JPH2: variants seen among roughly 807,000 people sequenced by gnomAD.
JPH2 encodes junctophilin-2.
JPH2 carries 38 observed loss-of-function variants against 55.9 expected under a neutral mutation model. The ratio of observed to expected loss-of-function variants is 0.68; its 90% CI spans 0.52 to 0.89. The LOEUF is 0.89. Among genes scored for constraint, JPH2 ranks in the 40% least tolerant of loss-of-function variants. The probability of loss-of-function intolerance (pLI) is 0.00; values close to 1 mark genes in which losing one functional copy is unlikely to be tolerated. For missense variants in JPH2, 964 were observed against 1,037.6 expected, an observed-to-expected ratio of 0.93 and a Z score of 0.97; for synonymous variants, 480 against 472.4, an observed-to-expected ratio of 1.02 and a Z score of -0.21.
intron 1 of JPH2, among the ~76,000 whole-genome samples, chr20:44,170,611 C>A (rs1396850241): frequency 6.6e-6 from 1 of 152,200 alleles, no homozygotes; most frequent in Non-Finnish European, 1.5e-5. Flanking sequence ...CACACAGATG[C>A]TCCTGATTAT....
chr20:44,115,298 T>C (rs1013705569), intron 4 of JPH2, among the ~76,000 whole-genome samples: 9 of 152,030 alleles, frequency 5.9e-5, no homozygotes, highest in Non-Finnish European at 1.5e-5. Context: ...CATGAAGCCC[T>C]CACTGCTACA....
chr20:44,113,659 T>C (rs1468884074), intron 5 of JPH2, among the ~76,000 whole-genome samples, 156 bp from the exon 6 acceptor site: 3 of 152,174 alleles, frequency 2.0e-5, no homozygotes, highest in Non-Finnish European at 4.4e-5. Flanking sequence ...ATTCTGATAC[T>C]CGGCAGGTCA....
At chr20:44,124,310 G>A (rs1600834219) in intron 2 of JPH2, among the ~76,000 whole-genome samples, 1 of 152,036 alleles carries the variant, frequency 6.6e-6, no homozygotes. Flanking sequence ...GACCCTCACC[G>A]GACTTGCCCT....
chr20:44,121,405 A>C (rs1417046388), intron 2 of JPH2, among the ~76,000 whole-genome samples: 1 of 152,060 alleles, frequency 6.6e-6, no homozygotes, highest in Non-Finnish European at 1.5e-5. Flanking sequence ...GGTAAGGGGG[A>C]TAAATTCCCT....
At chr20:44,165,440 C>G (rs753182049) in intron 1 of JPH2, among the ~76,000 whole-genome samples, 1 of 152,192 alleles carries the variant, frequency 6.6e-6, no homozygotes, top group Non-Finnish European at 1.5e-5. Flanking sequence ...CCACCGTTCT[C>G]TCTCACCTGG....
At chr20:44,164,374 A>C (rs2072639074) in intron 1 of JPH2, among the ~76,000 whole-genome samples, 1 of 152,156 alleles carries the variant, frequency 6.6e-6, no homozygotes, top group Admixed American at 6.5e-5. Flanking sequence ...TTTTGATCTT[A>C]GTTTTTTTGT....
intron 2 of JPH2, among the ~76,000 whole-genome samples, chr20:44,140,255 T>A (rs1400718670): frequency 2.0e-5 from 3 of 152,170 alleles, no homozygotes; most frequent in Admixed American, 2.0e-4. Context: ...TGTCTTTATA[T>A]CCATCCCAGC....
At chr20:44,146,772 A>C (rs1317863407) in intron 2 of JPH2, among the ~76,000 whole-genome samples, 3 of 152,206 alleles carry the variant, frequency 2.0e-5, no homozygotes, top group African/African-American at 7.2e-5. Flanking sequence ...TTTCTTCAAA[A>C]TTTTTTGAGT....
intron 2 of JPH2, among the ~76,000 whole-genome samples, chr20:44,142,406 G>A (rs749673709): frequency 2.0e-5 from 3 of 152,038 alleles, no homozygotes; most frequent in East Asian, 1.9e-4. Flanking sequence ...CGCTCTCTCC[G>A]GCCTTTTCTC....
chr20:44,183,600 G>T (rs779721134), intron 1 of JPH2, among the ~76,000 whole-genome samples: 1 of 152,154 alleles, frequency 6.6e-6, no homozygotes, highest in Non-Finnish European at 1.5e-5. Flanking sequence ...GCCTTTTCCT[G>T]CCCCAGCTAC....
At position 44,115,947 on chromosome 20, in the gene JPH2, G is replaced by C. The variant is rs74352869; in HGVS notation, c.1728C>G (p.Pro576=). Residue 576 remains proline, a synonymous_variant, in exon 4 of 6, where the codon CCC becomes CCG. Transcript: ENST00000372980. ...GCTGGTCCTCAAAGGGTGGGGGCTC[G>C]GGCGGCGTGGTGCGCACAGCATAGC... ...YHSYAVRTTP[P]EPPPFEDQPE... The C allele has an allele frequency of 0.22, 337,904 of 1,567,210 alleles. 38,820 individuals carry two copies. Among genetic ancestry groups the C allele is most frequent in the African/African-American group, 0.26 (18,993 of 74,256 alleles).
chr20:44,176,109 T>C (rs1163498159), intron 1 of JPH2, among the ~76,000 whole-genome samples: 1 of 152,152 alleles, frequency 6.6e-6, no homozygotes, highest in Non-Finnish European at 1.5e-5. Context: ...ATCCAGTCTA[T>C]AAGTTTTGCT....
intron 2 of JPH2, among the ~76,000 whole-genome samples, chr20:44,125,307 C>T (rs928317469): frequency 1.8e-4 from 27 of 150,394 alleles, no homozygotes; most frequent in Non-Finnish European, 3.7e-4. Flanking sequence ...AAAAGTCTGC[C>T]GACCCCTGTA....
rs763718520 is a variant in JPH2, at chr20:44,115,908, G to A, written c.1767C>T (p.Val589=). ...ACGAGGGCGCGGACTCGGACCCGGA[G>A]ACCTCGGGCTCGGGCTGGTCCTCAA... ...PPFEDQPEPE[V]SGSESAPSSP... Residue 589 remains valine, a synonymous_variant, in exon 4 of 6, where the codon GTC becomes GTT. Transcript: ENST00000372980. 3.8e-6 allele frequency: 6 copies of A among 1,574,548 alleles called. No individual in the cohort carries two copies. Among genetic ancestry groups the A allele is most frequent in the Non-Finnish European group, 5.1e-6 (6 of 1,166,642 alleles).
At chr20:44,149,064 T>C (rs1264985616) in intron 2 of JPH2, among the ~76,000 whole-genome samples, 5 of 123,420 alleles carry the variant, frequency 4.1e-5, no homozygotes, top group Non-Finnish European at 6.7e-5. Flanking sequence ...AGACTCCGTC[T>C]CAAAAAAAAA....
intron 1 of JPH2, among the ~76,000 whole-genome samples, chr20:44,174,925 A>C (rs1600866669): frequency 6.6e-6 from 1 of 152,232 alleles, no homozygotes; most frequent in East Asian, 1.9e-4. Flanking sequence ...CCCCCCGTGC[A>C]GGGGTGGAGG....
At position 44,113,396 on chromosome 20, in the gene JPH2, T is replaced by G. The variant is rs1335659826; in HGVS notation, c.*122A>C. 6.6e-6 allele frequency: 1 copy of G among 152,422 alleles called. No homozygotes were observed. The highest frequency in any genetic ancestry group is 1.5e-5 in the Non-Finnish European group (1 of 68,278). 9.4% of individuals were successfully genotyped at this position (152,422 alleles called of 1,614,324 possible). A position where few individuals can be genotyped will look rare whatever the true frequency, so the allele number is the denominator to read the frequency against. On this transcript the variant is annotated 3_prime_UTR_variant, in exon 6 of 6. Coordinates refer to ENST00000372980, the MANE Select transcript of JPH2 (RefSeq NM_020433.5). ...CCTCCTGAAACTCTTGTGGGGTGAA[T>G]GTGAACTGGACCACGGGGCTCCAGG...
intron 1 of JPH2, among the ~76,000 whole-genome samples, chr20:44,179,606 C>A (rs1017997410): frequency 2.6e-5 from 4 of 152,132 alleles, no homozygotes; most frequent in Non-Finnish European, 5.9e-5. Flanking sequence ...AAGGGCCCTG[C>A]GTCTGGGTTA....
At chr20:44,170,492 G>A (rs184661476) in intron 1 of JPH2, among the ~76,000 whole-genome samples, 3 of 152,316 alleles carry the variant, frequency 2.0e-5, no homozygotes, top group East Asian at 1.9e-4. Flanking sequence ...TACAGAGTGA[G>A]CATCAGAGAG....
Sources: gnomAD v4.1 joint callset for allele counts (sites outside exome capture counted in the v4.1 genomes callset) on GRCh38, gnomAD v4.1.1 for gene constraint, MANE v1.5 for transcripts, NCBI Gene and HGNC (gene_info 2026-07-23, HGNC 2026-07-21) for gene names.